TACC3: variants seen among roughly 807,000 people sequenced by gnomAD.
TACC3 encodes transforming acidic coiled-coil-containing protein 3.
A neutral mutation model predicts 86.0 loss-of-function variants in TACC3; 52 were observed. The ratio of observed to expected loss-of-function variants is 0.60; its 90% CI spans 0.48 to 0.76. TACC3 has a LOEUF of 0.76. TACC3 is among the 30% of genes least tolerant of loss of function. The pLI, the probability that TACC3 is intolerant of heterozygous loss-of-function variation, is 0.00. For synonymous variants in TACC3, 512 were observed against 430.0 expected (o/e 1.19, Z -2.36); for missense variants, 1,120 against 1,070.4 (o/e 1.05, Z -0.65).
chr4:1,741,286 T>A (rs537469345), intron 13 of TACC3: 1 of 248,300 alleles, frequency 4.0e-6, no homozygotes, highest in South Asian at 9.6e-5. Context: ...ACAGCGCTGG[T>A]GCACCGGGGC....
upstream of TACC3, chr4:1,720,635 AGC>A: frequency 6.5e-7 from 1 of 1,539,044 alleles, no homozygotes; most frequent in Non-Finnish European, 8.7e-7. This position sits in a 1 kb window ranked among gnomAD's most constrained non-coding sequence, Gnocchi z 4.4. Flanking sequence ...AGCCTCACCG[AGC>A]GGCAGCAGCG....
chr4:1,736,001 T>C (rs1023882516), intron 8 of TACC3, among the ~76,000 whole-genome samples, 167 bp downstream of exon 8: 1 of 152,236 alleles, frequency 6.6e-6, no homozygotes, highest in Non-Finnish European at 1.5e-5. Flanking sequence ...AGAGCAGCCC[T>C]TGTGTGTCTG....
rs539748889 is a variant in TACC3, at chr4:1,737,064, G to A, written c.1749-177G>A. On this transcript the variant is annotated intron_variant, in intron 8 of 15. Transcript: ENST00000313288. ...ATGGGCAGGTGAGGGAGGGGGGCAC[G>A]GAGCAGCAGAGAGGCCGGGCATGCT... is the stretch of plus-strand genomic sequence containing the variant. Among the ~76,000 whole-genome samples the A allele has an allele frequency of 2.7e-4, 41 of 152,314 alleles. 1 individual carries two copies. The highest frequency in any genetic ancestry group is 2.0e-3 in the Admixed American group (30 of 15,308).
intron 12 of TACC3, 36 bp from the exon 13 acceptor site, chr4:1,740,790 C>T (rs1203269743): frequency 6.3e-7 from 1 of 1,583,942 alleles, no homozygotes; most frequent in Admixed American, 1.8e-5. Context: ...TTTCGGTTGC[C>T]TCCTCATCCT....
intron 13 of TACC3, among the ~76,000 whole-genome samples, chr4:1,742,861 A>T (rs1718661409): frequency 6.6e-6 from 1 of 150,782 alleles, no homozygotes; most frequent in Non-Finnish European, 1.5e-5. Context: ...CCAGCTACTC[A>T]GGAAACTGAG....
rs1370851798 is a variant in TACC3, at chr4:1,731,321, C to T, written c.1591+20C>T. On this transcript the variant is annotated intron_variant, in intron 6 of 15. Transcript: ENST00000313288. ...CTGAGGGTACGTTGCCTGGCACAGACGTCACACACAGTCTGCCCGGAGGGG... is the reference window on the plus strand; with the variant it reads ...CTGAGGGTACGTTGCCTGGCACAGATGTCACACACAGTCTGCCCGGAGGGG... The T allele has an allele frequency of 1.1e-5, 17 of 1,612,066 alleles. No homozygotes were observed. The highest frequency in any genetic ancestry group is 2.2e-5 in the East Asian group (1 of 44,852).
At chr4:1,744,437 T>C in intron 13 of TACC3, 81 bp from the exon 14 acceptor site, 3 of 1,317,874 alleles carry the variant, frequency 2.3e-6, no homozygotes, top group Non-Finnish European at 3.2e-6. Context: ...GCCTCGAGGA[T>C]CTGCAGGTCC....
intron 9 of TACC3, 43 bp from the exon 10 acceptor site, chr4:1,737,555 G>A: frequency 1.4e-6 from 2 of 1,437,812 alleles, no homozygotes; most frequent in South Asian, 1.4e-5. Flanking sequence ...GAGGTAAGAG[G>A]CAAGGGCGAA....
intron 13 of TACC3, 127 bp from the exon 14 acceptor site, chr4:1,744,379 TCCAAAAGGAAAA>T: frequency 1.3e-6 from 1 of 755,232 alleles, no homozygotes; most frequent in Non-Finnish European, 2.1e-6. Flanking sequence ...AGGGGCTTTT[TCCAAAAGGAAAA>T]CGGGAGCTAC....
At chr4:1,723,189 G>A in intron 1 of TACC3, 1 of 572,650 alleles carries the variant, frequency 1.7e-6, no homozygotes, top group South Asian at 2.2e-5. Flanking sequence ...GGAAGCAGCA[G>A]TGCTGCCCAT....
At chr4:1,720,863 G>C (rs750776470), upstream of TACC3, 1 of 1,552,502 alleles carries the variant, frequency 6.4e-7, no homozygotes, top group African/African-American at 1.4e-5. The surrounding 1 kb of genome is among the most constrained non-coding windows in gnomAD (Gnocchi z 4.4). Context: ...AAGCTGTCGA[G>C]CTAGGCCCCC....
chr4:1,737,005 C>T (rs17681105), intron 8 of TACC3, among the ~76,000 whole-genome samples: 31,752 of 152,052 alleles, frequency 0.21, 3,565 homozygotes, highest in Non-Finnish European at 0.25. Flanking sequence ...GAAGCGTCAC[C>T]GTGCTCTCCC....
intron 13 of TACC3, among the ~76,000 whole-genome samples, chr4:1,743,625 A>G (rs891042472): frequency 3.3e-5 from 5 of 152,200 alleles, no homozygotes; most frequent in African/African-American, 9.6e-5. Context: ...AACATTAACA[A>G]TTCAAAGGGT....
At chr4:1,736,608 C>T (rs1471536181) in intron 8 of TACC3, among the ~76,000 whole-genome samples, 1 of 151,650 alleles carries the variant, frequency 6.6e-6, no homozygotes. Context: ...GGCTGTGTGG[C>T]CTTCAAATCC....
chr4:1,740,635 A>T, intron 12 of TACC3, 191 bp from the exon 13 acceptor site: 1 of 566,078 alleles, frequency 1.8e-6, no homozygotes, highest in Middle Eastern at 4.8e-4. Flanking sequence ...TGGAGGAAAC[A>T]GCTGTTTCCT....
intron 3 of TACC3, among the ~76,000 whole-genome samples, chr4:1,725,916 G>C (rs907929582): frequency 6.6e-6 from 1 of 152,262 alleles, no homozygotes; most frequent in African/African-American, 2.4e-5. Flanking sequence ...CAGCAGAGGA[G>C]TTGTGAGCAG....
intron 3 of TACC3, among the ~76,000 whole-genome samples, 191 bp from the exon 4 acceptor site, chr4:1,727,517 G>A (rs1717747386): frequency 6.6e-6 from 1 of 152,200 alleles, no homozygotes; most frequent in Non-Finnish European, 1.5e-5. Context: ...ACCGGGAGCT[G>A]GTCCCTGGGA....
chr4:1,728,732 G>A lies in TACC3; in HGVS notation c.1330G>A (p.Ala444Thr), dbSNP rs777714975. Residue 444 changes from alanine to threonine, a missense_variant, in exon 4 of 16, where the codon GCT (alanine) becomes ACT (threonine). By Grantham distance (58) the Ala-to-Thr change is moderately conservative (BLOSUM62 0). Transcript: ENST00000313288. Reference sequence around the variant, plus strand: ...TGAGACCAGGCTGGGCCAGCCAGCGGCTGAACAGTTGCATGCTGGGCCTGC... The same window carrying A: ...TGAGACCAGGCTGGGCCAGCCAGCGACTGAACAGTTGCATGCTGGGCCTGC... The part of the protein sequence containing the change: ...SPETRLGQPA[A>T]EQLHAGPATE... 1.2e-6 allele frequency: 2 copies of A among 1,612,972 alleles called. No homozygotes were observed. Among genetic ancestry groups the A allele is most frequent in the South Asian group, 1.1e-5 (1 of 91,074 alleles).
At chr4:1,736,244 T>G (rs1718255873) in intron 8 of TACC3, among the ~76,000 whole-genome samples, 1 of 151,898 alleles carries the variant, frequency 6.6e-6, no homozygotes, top group South Asian at 2.1e-4. Context: ...GGCAACATGT[T>G]GAAACCCCGT....
Sources: gnomAD v4.1 joint callset for allele counts (sites outside exome capture counted in the v4.1 genomes callset) on GRCh38, gnomAD v4.1.1 for gene constraint, Gnocchi (gnomAD v3.1) non-coding constraint, MANE v1.5 for transcripts, NCBI Gene and HGNC (gene_info 2026-07-23, HGNC 2026-07-21) for gene names.